The following TMEM132B variants were observed in gnomAD, a reference collection of about 807,000 sequenced individuals.
The protein encoded by TMEM132B is transmembrane protein 132B.
A neutral mutation model predicts 90.8 loss-of-function variants in TMEM132B; 18 were observed. The observed-to-expected ratio is 0.20, with a 90% CI of 0.14 to 0.29. TMEM132B has a LOEUF of 0.29. Among genes scored for constraint, TMEM132B ranks in the 10% least tolerant of loss-of-function variants. The probability of loss-of-function intolerance (pLI) is 1.00; values close to 1 mark genes in which losing one functional copy is unlikely to be tolerated. For missense variants in TMEM132B, 1,096 were observed against 1,326.8 expected (o/e 0.83, Z 2.70); for synonymous variants, 504 against 523.3 (o/e 0.96, Z 0.50).
intron 4 of TMEM132B, among the ~76,000 whole-genome samples, chr12:125,529,028 C>T (rs1883573836): frequency 6.8e-6 from 1 of 147,156 alleles, no homozygotes; most frequent in South Asian, 2.2e-4. Context: ...CCCCCTCCTT[C>T]TTCCTCCCTC....
chr12:125,187,547 G>A (rs1957767326), intron 1 of TMEM132B, among the ~76,000 whole-genome samples: 1 of 152,266 alleles, frequency 6.6e-6, no homozygotes, highest in African/African-American at 2.4e-5. Context: ...TCCAGGACGC[G>A]CCGGGGAGCC....
intron 5 of TMEM132B, among the ~76,000 whole-genome samples, chr12:125,600,471 A>T (rs1230592351): frequency 3.3e-5 from 5 of 152,156 alleles, no homozygotes; most frequent in South Asian, 2.1e-4. Flanking sequence ...TTATTTGTTT[A>T]TCTGTCTCTC....
Position 125,381,621 on chromosome 12 carries a change from A to G in TMEM132B, c.959+31278A>G, listed in dbSNP as rs546025043. On this transcript the variant is annotated intron_variant, in intron 2 of 8. Coordinates refer to ENST00000682704, the MANE Select transcript of TMEM132B (RefSeq NM_001366854.1). ...AACTGTCCATTCCAGTGGTTCTGAA[A>G]TCAGGTGGGCTGAGGGGCAGCAGAG... is the stretch of plus-strand genomic sequence containing the variant. Among the ~76,000 whole-genome samples, 7 of 152,296 alleles carry G rather than the reference A, an allele frequency of 4.6e-5. No individual in the cohort carries two copies. In the East Asian group the frequency reaches 1.3e-3, roughly 29 times the overall value.
At chr12:125,564,482 G>A (rs1426134118) in intron 4 of TMEM132B, among the ~76,000 whole-genome samples, 1 of 152,130 alleles carries the variant, frequency 6.6e-6, no homozygotes, top group Non-Finnish European at 1.5e-5. Flanking sequence ...TTTCTGTTCG[G>A]TTTTCTCAGA....
chr12:125,438,122 A>G (rs1030991424), intron 3 of TMEM132B, among the ~76,000 whole-genome samples: 18 of 152,234 alleles, frequency 1.2e-4, no homozygotes, highest in Non-Finnish European at 1.3e-4. Context: ...AAACTCCTAC[A>G]AGAATCAACT....
chr12:125,474,110 T>C (rs1298032063), intron 3 of TMEM132B, among the ~76,000 whole-genome samples: 1 of 140,616 alleles, frequency 7.1e-6, no homozygotes, highest in Admixed American at 7.6e-5. Context: ...CTTTCTTCCG[T>C]CTTTCTGTCA....
intron 3 of TMEM132B, among the ~76,000 whole-genome samples, chr12:125,477,406 A>G (rs772054661): frequency 3.9e-5 from 6 of 152,270 alleles, no homozygotes; most frequent in Admixed American, 1.3e-4. Context: ...CTCTGGCTCA[A>G]TCCACCCCTT....
chr12:125,489,866 T>C (rs1025028911), intron 3 of TMEM132B, among the ~76,000 whole-genome samples: 1 of 152,234 alleles, frequency 6.6e-6, no homozygotes, highest in Non-Finnish European at 1.5e-5. Flanking sequence ...GCCTGCAGTA[T>C]AATTCTCAGT....
At chr12:125,271,764 C>T (rs948967409) in intron 1 of TMEM132B, among the ~76,000 whole-genome samples, 5 of 151,550 alleles carry the variant, frequency 3.3e-5, no homozygotes, top group African/African-American at 1.2e-4. Context: ...AATATATTAC[C>T]TTTTTAAATA....
intron 1 of TMEM132B, among the ~76,000 whole-genome samples, chr12:125,195,487 C>T (rs1469952093): frequency 2.0e-5 from 3 of 147,690 alleles, no homozygotes; most frequent in Non-Finnish European, 4.4e-5. Context: ...CAACCTCTGC[C>T]TCCCGGGTTC....
At chr12:125,285,694 T>G (rs1350781792) in intron 1 of TMEM132B, among the ~76,000 whole-genome samples, 2 of 152,168 alleles carry the variant, frequency 1.3e-5, no homozygotes, top group Admixed American at 6.5e-5. Context: ...CCAGGTCTCC[T>G]AGCCCCCACC....
chr12:125,367,099 A>T (rs1294066911), intron 2 of TMEM132B, among the ~76,000 whole-genome samples: 1 of 152,168 alleles, frequency 6.6e-6, no homozygotes, highest in Non-Finnish European at 1.5e-5. Context: ...ATCACTGATG[A>T]CAGTTGTAAT....
intron 3 of TMEM132B, among the ~76,000 whole-genome samples, chr12:125,432,397 ATGTATG>A (rs1555248759): frequency 3.4e-4 from 23 of 68,318 alleles, no homozygotes; most frequent in South Asian, 5.2e-4. Flanking sequence ...ATATATATAT[ATGTATG>A]TATGTGTATA....
In TMEM132B at chr12:125,459,954, G is replaced by T. The variant is rs892225514; in HGVS notation, c.1106+44277G>T. Among the ~76,000 whole-genome samples, 2 of 152,110 alleles carry T rather than the reference G, an allele frequency of 1.3e-5. No individual in the cohort carries two copies. The highest frequency in any genetic ancestry group is 2.9e-5 in the Non-Finnish European group (2 of 68,030). ...TCTCTTGCCTGCTGCCATGTAAGAC[G>T]TGCCTTTCACCTTCCACCATGATTG... is the stretch of plus-strand genomic sequence containing the variant. On this transcript the variant is annotated intron_variant, in intron 3 of 8. Transcript: ENST00000682704. The surrounding 1 kb of genome is among the most constrained non-coding windows in gnomAD (Gnocchi z 4.1).
intron 4 of TMEM132B, among the ~76,000 whole-genome samples, chr12:125,548,394 C>CTT (rs148944219): frequency 1.3e-5 from 2 of 152,076 alleles, no homozygotes; most frequent in Non-Finnish European, 2.9e-5. Context: ...CACAACTCTA[C>CTT]TTTTTTTTAT....
chr12:125,508,562 C>T (rs1305936661), intron 3 of TMEM132B, among the ~76,000 whole-genome samples: 1 of 152,094 alleles, frequency 6.6e-6, no homozygotes, highest in Admixed American at 6.5e-5. Context: ...AACCAGCGTG[C>T]ATATGGCATG....
At position 125,655,820 on chromosome 12, in the gene TMEM132B, C is replaced by T. The variant is rs557603228; in HGVS notation, c.*1110C>T. 9 of 151,342 alleles carry T rather than the reference C, an allele frequency of 5.9e-5. No homozygotes were observed. The highest frequency in any genetic ancestry group is 5.3e-4 in the Admixed American group (8 of 15,216). The allele number at this position is 151,342 out of a possible 1,614,324, so 9.4% of individuals were successfully genotyped here. A position where few individuals can be genotyped will look rare whatever the true frequency, so the allele number is the denominator to read the frequency against. On this transcript the variant is annotated 3_prime_UTR_variant, in exon 9 of 9. Transcript: ENST00000682704. The stretch of plus-strand genomic sequence containing the variant: ...TTTTTTTTTTAAATAAGTAGAATGA[C>T]AGTTCAAGTTAGCAATATATAGAAA...
chr12:125,323,143 G>A (rs115255207), intron 1 of TMEM132B, among the ~76,000 whole-genome samples: 1,937 of 152,190 alleles, frequency 0.013, 41 homozygotes, highest in African/African-American at 0.044. Context: ...TTGCCACTAC[G>A]AAAATGACTG....
chr12:125,601,383 A>G (rs1045928533), intron 5 of TMEM132B, among the ~76,000 whole-genome samples: 2 of 152,182 alleles, frequency 1.3e-5, no homozygotes, highest in African/African-American at 4.8e-5. Context: ...ATAATGAAAT[A>G]AAGATAGAAA....
Sources: gnomAD v4.1 joint callset for allele counts (sites outside exome capture counted in the v4.1 genomes callset) on GRCh38, gnomAD v4.1.1 for gene constraint, Gnocchi (gnomAD v3.1) non-coding constraint, MANE v1.5 for transcripts, NCBI Gene and HGNC (gene_info 2026-07-23, HGNC 2026-07-21) for gene names.